The following SEC14L5 variants were observed in gnomAD, a reference collection of about 807,000 sequenced individuals.
The protein encoded by SEC14L5 is SEC14 like lipid binding 5.
In SEC14L5, 96 loss-of-function variants were observed where a neutral mutation model predicts 84.6. That is an observed-to-expected ratio of 1.13 (90% CI 0.96 to 1.34). The LOEUF (loss-of-function observed/expected upper bound fraction) is 1.34. SEC14L5 is among the 40% of genes most tolerant of loss of function. The probability of loss-of-function intolerance (pLI) is 0.00; values close to 1 mark genes in which losing one functional copy is unlikely to be tolerated. For synonymous variants in SEC14L5, 546 were observed against 383.4 expected, an observed-to-expected ratio of 1.42 and a Z score of -4.95; for missense variants, 1,224 against 942.5, an observed-to-expected ratio of 1.30 and a Z score of -3.91.
chr16:4,975,355 C>A (rs1470628653), intron 2 of SEC14L5, among the ~76,000 whole-genome samples: 1 of 151,454 alleles, frequency 6.6e-6, no homozygotes, highest in East Asian at 2.0e-4. Flanking sequence ...CGCCTGTAGT[C>A]CCAGCTACTT....
At chr16:4,999,161 C>G (rs1031318894) in intron 8 of SEC14L5, among the ~76,000 whole-genome samples, 1 of 152,120 alleles carries the variant, frequency 6.6e-6, no homozygotes, top group Admixed American at 6.6e-5. Flanking sequence ...CAGAATTGCG[C>G]CTAGCTTTCC....
rs201532869 is a variant in SEC14L5, at chr16:4,959,386, G to A, written c.63G>A (p.Ala21=). The change falls in exon 2 of 16, where the codon GCG becomes GCA. Residue 21 remains alanine, a splice_region_variant and synonymous_variant. Transcript: ENST00000251170. ...AGTACCCGTTTGAGCTGGTCATGGC[G>A]GTGAGTGACTCCTGATTCTTGGGCC... ...VYKYPFELVM[A]AYEKRFPTCP... 173 of 1,613,354 alleles carry A rather than the reference G, an allele frequency of 1.1e-4. No homozygotes were observed. The African/African-American group carries it at 1.6e-3, about 15-fold the overall frequency.
intron 2 of SEC14L5, among the ~76,000 whole-genome samples, chr16:4,969,031 C>T (rs1227558828): frequency 2.0e-5 from 3 of 152,330 alleles, no homozygotes; most frequent in African/African-American, 4.8e-5. Flanking sequence ...ACAAAGCGGC[C>T]GGGGCCTTAT....
At chr16:5,001,057 C>G (rs975120457) in intron 10 of SEC14L5, 132 bp downstream of exon 10, 15 of 706,210 alleles carry the variant, frequency 2.1e-5, no homozygotes, top group Admixed American at 4.9e-5. Context: ...CTACAGTGGT[C>G]TTCTGGGCCT....
chr16:4,969,198 G>C (rs1003792432), intron 2 of SEC14L5, among the ~76,000 whole-genome samples: 1 of 152,234 alleles, frequency 6.6e-6, no homozygotes, highest in African/African-American at 2.4e-5. Flanking sequence ...TGATTTCCGA[G>C]GGCCCTGAAA....
intron 11 of SEC14L5, among the ~76,000 whole-genome samples, chr16:5,005,417 C>T (rs1014160261): frequency 1.3e-5 from 2 of 149,404 alleles, no homozygotes; most frequent in Non-Finnish European, 3.0e-5. Context: ...TGGGAAGTGA[C>T]GGTGGGGTGG....
rs1197987900 is a variant in SEC14L5 at position 4,998,748 on chromosome 16, A to T, written c.970+1704A>T. ...GCGAGACTCCGTCTCAAAAAAAAAA[A>T]AAAAAAAAAAAAAAAAAATAAACGT... On this transcript the variant is annotated intron_variant, in intron 8 of 15. Coordinates refer to ENST00000251170, the MANE Select transcript of SEC14L5 (RefSeq NM_014692.2). Among the ~76,000 whole-genome samples, 312 of 93,528 alleles carry T rather than the reference A, an allele frequency of 3.3e-3. 3 individuals carry two copies. The highest frequency in any genetic ancestry group is 8.7e-3 in the African/African-American group (290 of 33,154). 61.4% of individuals were successfully genotyped at this position (93,528 alleles called of 152,430 possible).
At chr16:4,986,392 G>A (rs531406952) in intron 2 of SEC14L5, among the ~76,000 whole-genome samples, 30 of 152,248 alleles carry the variant, frequency 2.0e-4, no homozygotes, top group Admixed American at 4.6e-4. Context: ...CACCTGCCTT[G>A]GCCTCCCAAA....
At chr16:5,010,257 G>T (rs1448304585) in intron 14 of SEC14L5, among the ~76,000 whole-genome samples, 2 of 150,628 alleles carry the variant, frequency 1.3e-5, no homozygotes, top group African/African-American at 4.9e-5. Flanking sequence ...CCAGCTACTC[G>T]GGAGGCTAAG....
intron 15 of SEC14L5, 93 bp downstream of exon 15, chr16:5,011,366 A>G (rs1955801259): frequency 7.5e-7 from 1 of 1,337,542 alleles, no homozygotes; most frequent in African/African-American, 1.5e-5. Context: ...CAGCTGGGTC[A>G]GCTTCTCCCG....
intron 2 of SEC14L5, among the ~76,000 whole-genome samples, chr16:4,961,708 C>T (rs1279997171): frequency 6.6e-6 from 1 of 152,060 alleles, no homozygotes; most frequent in Non-Finnish European, 1.5e-5. Flanking sequence ...TTTTCAGAAC[C>T]CTAAACGTGA....
chr16:5,005,961 C>T lies in SEC14L5; in HGVS notation c.1350C>T (p.Tyr450=). 1.2e-6 allele frequency: 2 copies of T among 1,611,262 alleles called. No homozygotes were observed. The highest frequency in any genetic ancestry group is 1.7e-6 in the Non-Finnish European group (2 of 1,178,590). ...ACACCAGGCGGAAGTTCCTCATCTA[C>T]AGTGGCAGCAACTACCAGGGACCCG... is the stretch of plus-strand genomic sequence containing the variant. The part of the protein sequence containing the change: ...NENTRRKFLI[Y]SGSNYQGPGG... The change falls in exon 12 of 16, where the codon TAC becomes TAT. Residue 450 remains tyrosine, a synonymous_variant. Transcript: ENST00000251170.
intron 4 of SEC14L5, among the ~76,000 whole-genome samples, chr16:4,988,914 G>C (rs1568126838): frequency 2.0e-5 from 3 of 152,258 alleles, no homozygotes; most frequent in Non-Finnish European, 4.4e-5. Context: ...AACGGAATCA[G>C]TGTGTGTGCA....
At chr16:4,977,379 G>T (rs542503138) in intron 2 of SEC14L5, among the ~76,000 whole-genome samples, 2 of 148,374 alleles carry the variant, frequency 1.3e-5, no homozygotes, top group African/African-American at 5.0e-5. Flanking sequence ...CCCAGGAGGC[G>T]GAGGCGGCAG....
chr16:4,961,638 A>G (rs999225838), intron 2 of SEC14L5, among the ~76,000 whole-genome samples: 6 of 152,190 alleles, frequency 3.9e-5, no homozygotes, highest in African/African-American at 7.2e-5. Flanking sequence ...CCCTATTCAT[A>G]TAGCCTTAAG....
chr16:5,000,673 T>A lies in SEC14L5; in HGVS notation c.989T>A (p.Ile330Asn). 1.9e-6 allele frequency: 3 copies of A among 1,551,516 alleles called. No individual in the cohort carries two copies. Among genetic ancestry groups the A allele is most frequent in the Non-Finnish European group, 2.6e-6 (3 of 1,147,158 alleles). ...YQDIDGRPLY[I>N]LRLGQMDTKG... ...CACAAAGATGGCCGCCCCCTCTACATCCTCCGCCTGGGCCAGATGGACACC... is the reference window on the plus strand; with the variant it reads ...CACAAAGATGGCCGCCCCCTCTACAACCTCCGCCTGGGCCAGATGGACACC... The change falls in exon 9 of 16, where the codon ATC becomes AAC. Residue 330 changes from isoleucine to asparagine, a missense_variant. Coordinates refer to ENST00000251170, the MANE Select transcript of SEC14L5 (RefSeq NM_014692.2).
At position 4,959,387 on chromosome 16, in the gene SEC14L5, GT is replaced by G. The variant is rs1201985386; in HGVS notation, c.63+2del. Reference sequence around the variant, plus strand: ...GTACCCGTTTGAGCTGGTCATGGCGGTGAGTGACTCCTGATTCTTGGGCCCC... The same window carrying G: ...GTACCCGTTTGAGCTGGTCATGGCGGGAGTGACTCCTGATTCTTGGGCCCC... On this transcript the variant is annotated splice_donor_variant, in intron 2 of 15. Transcript: ENST00000251170. LOFTEE classifies it high-confidence loss of function. 1 of 1,613,244 alleles carries G rather than the reference GT, an allele frequency of 6.2e-7. No individual in the cohort carries two copies. Among genetic ancestry groups the G allele is most frequent in the African/African-American group, 1.3e-5 (1 of 74,898 alleles).
chr16:4,987,498 G>GC (rs1555529516), intron 2 of SEC14L5, 59 bp from the exon 3 acceptor site: 10 of 667,948 alleles, frequency 1.5e-5, no homozygotes, highest in Admixed American at 7.2e-5. Flanking sequence ...AGGTCGCGCT[G>GC]GGGGGGGGGG....
At chr16:5,008,719 G>C in intron 14 of SEC14L5, 71 bp downstream of exon 14, 1 of 1,361,812 alleles carries the variant, frequency 7.3e-7, no homozygotes, top group Non-Finnish European at 1.0e-6. Flanking sequence ...CAGGCTTCTG[G>C]GGATACAGCG....
Sources: gnomAD v4.1 joint callset for allele counts (sites outside exome capture counted in the v4.1 genomes callset) on GRCh38, gnomAD v4.1.1 for gene constraint, MANE v1.5 for transcripts, NCBI Gene and HGNC (gene_info 2026-07-23, HGNC 2026-07-21) for gene names.